Variants in TMLHE observed in about 807,000 individuals in gnomAD.
TMLHE encodes the protein trimethyllysine hydroxylase, epsilon, also known as trimethyllysine dioxygenase, mitochondrial.
A neutral mutation model predicts 25.7 loss-of-function variants in TMLHE; 18 were observed. That is an observed-to-expected ratio of 0.70 (90% CI 0.48 to 1.04). The LOEUF is 1.04. Ranked by LOEUF, TMLHE falls within the 50% of genes least tolerant of loss-of-function variation. TMLHE has a pLI of 0.00. For synonymous variants in TMLHE, 105 were observed against 97.0 expected, an observed-to-expected ratio of 1.08 and a Z score of -0.49; for missense variants, 236 against 259.0, an observed-to-expected ratio of 0.91 and a Z score of 0.61.
In TMLHE at chrX:155,560,939, G is replaced by C. The variant is rs1457265024; in HGVS notation, c.-1-15662C>G. The stretch of plus-strand genomic sequence containing the variant: ...GAGAATAAACTGTAAACAGGCCAAG[G>C]AAAGGAGGGATACCTGTTAGTAGGC... On this transcript the variant is annotated intron_variant, in intron 1 of 7. Transcript: ENST00000334398. 3.3e-5 allele frequency among the ~76,000 whole-genome samples: 2 copies of C among 61,534 alleles called. 1 individual carries two copies. Among genetic ancestry groups the C allele is most frequent in the East Asian group, 1.4e-3 (2 of 1,383 alleles). 53.4% of individuals were successfully genotyped at this position (61,534 alleles called of 115,157 possible).
chrX:155,560,988 A>G lies in TMLHE; in HGVS notation c.-1-15711T>C, dbSNP rs1400256667. 4.9e-5 allele frequency among the ~76,000 whole-genome samples: 3 copies of G among 61,199 alleles called. 1 individual carries two copies. Among genetic ancestry groups the G allele is most frequent in the Non-Finnish European group, 1.4e-4 (3 of 21,960 alleles). 53.1% of individuals were successfully genotyped at this position (61,199 alleles called of 115,157 possible). A position where few individuals can be genotyped will look rare whatever the true frequency, so the allele number is the denominator to read the frequency against. On this transcript the variant is annotated intron_variant, in intron 1 of 7. Transcript: ENST00000334398. ...GCTATTACAGTACTGGATTTATTGA[A>G]GTAATCCAGGCAAGAAATGATAGTG...
intron 7 of TMLHE, 43 bp from the exon 8 acceptor site, chrX:155,491,709 CTG>C (rs1557331799): frequency 1.1e-6 from 1 of 878,016 alleles, no homozygotes; most frequent in East Asian, 3.6e-5. Context: ...AGAGAAAACA[CTG>C]TCAGAAGAAG....
chrX:155,515,964 T>C (rs1557334842), intron 3 of TMLHE, among the ~76,000 whole-genome samples: 1 of 108,710 alleles, frequency 9.2e-6, no homozygotes, highest in South Asian at 4.0e-4. Flanking sequence ...ATGATTTGTC[T>C]GTTCAGTCCT....
intron 2 of TMLHE, among the ~76,000 whole-genome samples, chrX:155,534,532 G>A (rs188578953): frequency 1.7e-4 from 19 of 111,451 alleles, no homozygotes; most frequent in Non-Finnish European, 2.4e-4. Flanking sequence ...CCTGGCACCC[G>A]GCCTTATTTC....
intron 1 of TMLHE, among the ~76,000 whole-genome samples, chrX:155,582,153 C>T (rs1557344625): frequency 8.9e-6 from 1 of 112,158 alleles, no homozygotes; most frequent in Non-Finnish European, 1.9e-5. Flanking sequence ...CCCTTCCTTA[C>T]ACCTTATACA....
intron 1 of TMLHE, among the ~76,000 whole-genome samples, chrX:155,573,917 G>A (rs1262857598): frequency 2.0e-5 from 2 of 98,816 alleles, no homozygotes; most frequent in East Asian, 6.3e-4. Flanking sequence ...ACACCAGCAT[G>A]GCACATGTAT....
intron 5 of TMLHE, 84 bp from the exon 6 acceptor site, chrX:155,507,218 G>A: frequency 1.6e-6 from 1 of 614,740 alleles, no homozygotes; most frequent in Non-Finnish European, 2.6e-6. Context: ...AATGATTACT[G>A]AAACTACTTG....
chrX:155,584,532 A>G (rs782141003), intron 1 of TMLHE, among the ~76,000 whole-genome samples: 3 of 111,177 alleles, frequency 2.7e-5, no homozygotes, highest in South Asian at 7.5e-4. Flanking sequence ...CCCCAGAAAT[A>G]CAATGCATAA....
chrX:155,533,375 ACACG>A (rs2067260477), intron 2 of TMLHE, among the ~76,000 whole-genome samples: 1 of 109,016 alleles, frequency 9.2e-6, no homozygotes, highest in Non-Finnish European at 1.9e-5. Flanking sequence ...ACACACGTGC[ACACG>A]CACACACACA....
At chrX:155,524,686 T>G in intron 2 of TMLHE, 54 bp from the exon 3 acceptor site, 1 of 1,072,627 alleles carries the variant, frequency 9.3e-7, no homozygotes, top group African/African-American at 1.9e-5. Flanking sequence ...CTTTAAAAAA[T>G]CAGCATCCAG....
Position 155,545,682 on chromosome X carries a change from C to G in TMLHE, c.-1-405G>C, listed in dbSNP as rs148470394. Among the ~76,000 whole-genome samples the G allele has an allele frequency of 9.8e-5, 11 of 111,877 alleles. No homozygotes were observed. The East Asian group carries it at 3.1e-3, about 31-fold the overall frequency. On this transcript the variant is annotated intron_variant, in intron 1 of 7. Coordinates refer to ENST00000334398, the MANE Select transcript of TMLHE (RefSeq NM_018196.4). ...TACCTAGTGACATGGTAATGTAGCA[C>G]AATGCATTACCTTTTCTATGTTTAG...
intron 1 of TMLHE, among the ~76,000 whole-genome samples, chrX:155,575,142 A>C (rs1427687868): frequency 8.9e-6 from 1 of 112,072 alleles, no homozygotes; most frequent in Non-Finnish European, 1.9e-5. Flanking sequence ...GATATGTTCC[A>C]GACCACTTTC....
intron 2 of TMLHE, among the ~76,000 whole-genome samples, chrX:155,538,508 ACTCT>A (rs1238930622): frequency 9.9e-5 from 11 of 110,945 alleles, no homozygotes; most frequent in African/African-American, 3.6e-4. Flanking sequence ...AAAATCACTC[ACTCT>A]CTAAGAAGAC....
chrX:155,574,019 G>A lies in TMLHE; in HGVS notation c.-1-28742C>T, dbSNP rs1450508454. Among the ~76,000 whole-genome samples, 3 of 106,518 alleles carry A rather than the reference G, an allele frequency of 2.8e-5. No homozygotes were observed. The South Asian group carries it at 1.2e-3, about 43-fold the overall frequency. The allele number at this position is 106,518 out of a possible 115,157, so 92.5% of individuals were successfully genotyped here. A position where few individuals can be genotyped will look rare whatever the true frequency, so the allele number is the denominator to read the frequency against. The stretch of plus-strand genomic sequence containing the variant: ...TAAAATAAAATAAAATAATACAACA[G>A]AGCACACACACACACGAAACTCATA... On this transcript the variant is annotated intron_variant, in intron 1 of 7. Coordinates refer to ENST00000334398, the MANE Select transcript of TMLHE (RefSeq NM_018196.4).
At chrX:155,542,527 C>T (rs918875170) in intron 2 of TMLHE, among the ~76,000 whole-genome samples, 2 of 111,533 alleles carry the variant, frequency 1.8e-5, no homozygotes, top group African/African-American at 3.2e-5. Flanking sequence ...AAAAGTCATA[C>T]GGAATCTCAA....
chrX:155,584,545 G>T (rs1252056812), intron 1 of TMLHE, among the ~76,000 whole-genome samples: 1 of 110,665 alleles, frequency 9.0e-6, no homozygotes, highest in Non-Finnish European at 1.9e-5. Context: ...ATGCATAAAG[G>T]TTTTCTCCCC....
chrX:155,609,153 G>A (rs1210781280), intron 1 of TMLHE, among the ~76,000 whole-genome samples: 1 of 111,717 alleles, frequency 9.0e-6, no homozygotes, highest in Non-Finnish European at 1.9e-5. Context: ...GCCCATCAGT[G>A]GTATATGGAA....
intron 1 of TMLHE, among the ~76,000 whole-genome samples, chrX:155,559,920 G>C (rs2067483322): frequency 8.9e-6 from 1 of 112,391 alleles, no homozygotes; most frequent in South Asian, 3.7e-4. Flanking sequence ...CTAAGACTTA[G>C]CTCAAATGTC....
intron 1 of TMLHE, among the ~76,000 whole-genome samples, chrX:155,594,653 ATAAC>A (rs1485679116): frequency 8.9e-6 from 1 of 112,447 alleles, no homozygotes; most frequent in African/African-American, 3.2e-5. Flanking sequence ...ACTATGAAAA[ATAAC>A]TATAATTAAA....
Sources: gnomAD v4.1 joint callset for allele counts (sites outside exome capture counted in the v4.1 genomes callset) on GRCh38, gnomAD v4.1.1 for gene constraint, MANE v1.5 for transcripts, NCBI Gene and HGNC (gene_info 2026-07-23, HGNC 2026-07-21) for gene names.